The following KIAA1549L variants were observed in gnomAD, a reference collection of about 807,000 sequenced individuals.
KIAA1549L encodes UPF0606 protein KIAA1549L.
In KIAA1549L, 88 loss-of-function variants were observed where a neutral mutation model predicts 160.7. The observed-to-expected ratio is 0.55, with a 90% CI of 0.46 to 0.65. The LOEUF is 0.65. Among genes scored for constraint, KIAA1549L ranks in the 30% least tolerant of loss-of-function variants. The pLI is 0.00. For synonymous variants in KIAA1549L, 950 were observed against 976.7 expected (o/e 0.97, Z 0.51); for missense variants, 2,258 against 2,437.5 (o/e 0.93, Z 1.55).
intron 14 of KIAA1549L, 52 bp downstream of exon 14, chr11:33,606,874 T>C: frequency 6.8e-7 from 1 of 1,479,848 alleles, no homozygotes; most frequent in Non-Finnish European, 9.1e-7. Context: ...ACTTGGGAAA[T>C]TCGGACGAAG....
chr11:33,657,711 C>T (rs973684494), intron 18 of KIAA1549L, among the ~76,000 whole-genome samples: 2 of 152,130 alleles, frequency 1.3e-5, no homozygotes, highest in Non-Finnish European at 2.9e-5. Context: ...GTGGGAGAAT[C>T]GCTTGAACCC....
intron 20 of KIAA1549L, among the ~76,000 whole-genome samples, chr11:33,667,315 A>G (rs1422678055): frequency 1.3e-5 from 2 of 152,020 alleles, no homozygotes; most frequent in Admixed American, 1.3e-4. Context: ...AGCAAAATAT[A>G]TATTCCTAAG....
At chr11:33,630,438 T>A (rs11032322) in intron 16 of KIAA1549L, among the ~76,000 whole-genome samples, 3,388 of 152,354 alleles carry the variant, frequency 0.022, 116 homozygotes, top group African/African-American at 0.068. Flanking sequence ...CGAGACTCCG[T>A]GGGCGTAGGC....
Position 33,544,901 on chromosome 11 carries a change from T to C in KIAA1549L, c.2908T>C (p.Ser970Pro), listed in dbSNP as rs1357400252. Residue 970 changes from serine (S) to proline (P), a missense_variant, in exon 3 of 21, where the codon TCA (serine) becomes CCA (proline). By Grantham distance (74) the Ser-to-Pro change is moderately conservative. Coordinates refer to ENST00000658780, the MANE Select transcript of KIAA1549L (RefSeq NM_012194.3). ...GTSSSPLAVA[S>P]GPAKSSSMTT... Reference sequence around the variant, plus strand: ...CAGCAGCAGCCCTTTGGCCGTGGCCTCAGGACCAGCTAAGAGCAGTTCGAT... The same window carrying C: ...CAGCAGCAGCCCTTTGGCCGTGGCCCCAGGACCAGCTAAGAGCAGTTCGAT... 6.2e-7 allele frequency: 1 copy of C among 1,613,344 alleles called. No individual in the cohort carries two copies. The highest frequency in any genetic ancestry group is 1.7e-5 in the Admixed American group (1 of 59,908).
intron 1 of KIAA1549L, among the ~76,000 whole-genome samples, chr11:33,412,041 C>T (rs1345526451): frequency 5.3e-5 from 8 of 152,136 alleles, no homozygotes; most frequent in African/African-American, 1.7e-4. Flanking sequence ...AATGTAGCGT[C>T]GGATCAGTGA....
In KIAA1549L at chr11:33,609,846, T is replaced by C; in HGVS notation, c.5159T>C (p.Val1720Ala). The change falls in exon 15 of 21, where the codon GTG (valine) becomes GCG (alanine). Residue 1720 changes from valine (V) to alanine (A), a missense_variant. Coordinates refer to ENST00000658780, the MANE Select transcript of KIAA1549L (RefSeq NM_012194.3). Reference sequence around the variant, plus strand: ...AAGGGATATTACGACTTCCCTGCAGTGGAGACGAGCAAGGGTCTGACCGAA... The same window carrying C: ...AAGGGATATTACGACTTCCCTGCAGCGGAGACGAGCAAGGGTCTGACCGAA... The part of the protein sequence containing the change: ...KRKGYYDFPA[V>A]ETSKGLTERK... 1 of 1,613,846 alleles carries C rather than the reference T, an allele frequency of 6.2e-7. No individual in the cohort carries two copies.
At position 33,507,178 on chromosome 11, in the gene KIAA1549L, G is replaced by A. The variant is rs1393666175; in HGVS notation, c.239-34624G>A. 6.6e-5 allele frequency among the ~76,000 whole-genome samples: 10 copies of A among 152,286 alleles called. No homozygotes were observed. The South Asian group carries it at 1.0e-3, about 16-fold the overall frequency. Reference sequence around the variant, plus strand: ...AATCCCTTGCTGCTAAGGCAAGGCCGAGTTTATTGCTTGCTGAGGTCAGAG... The same window carrying A: ...AATCCCTTGCTGCTAAGGCAAGGCCAAGTTTATTGCTTGCTGAGGTCAGAG... On this transcript the variant is annotated intron_variant, in intron 1 of 20. Coordinates refer to ENST00000658780, the MANE Select transcript of KIAA1549L (RefSeq NM_012194.3).
intron 8 of KIAA1549L, among the ~76,000 whole-genome samples, chr11:33,566,772 C>T (rs74748497): frequency 0.011 from 1,721 of 152,256 alleles, 35 homozygotes; most frequent in African/African-American, 0.038. Context: ...AACTGCAATG[C>T]GTTCTTCACA....
At chr11:33,422,117 C>T (rs1211797189) in intron 1 of KIAA1549L, among the ~76,000 whole-genome samples, 1 of 152,098 alleles carries the variant, frequency 6.6e-6, no homozygotes, top group Non-Finnish European at 1.5e-5. Context: ...TGCCAGGCCT[C>T]TCTCCATGCC....
At chr11:33,608,028 G>A (rs1390968187) in intron 14 of KIAA1549L, among the ~76,000 whole-genome samples, 2 of 152,344 alleles carry the variant, frequency 1.3e-5, no homozygotes, top group African/African-American at 2.4e-5. Flanking sequence ...GAGGTCCCCT[G>A]ACTTCCTGTC....
At position 33,551,272 on chromosome 11, in the gene KIAA1549L, G is replaced by A. The variant is rs1854453913; in HGVS notation, c.3721+13G>A. The A allele has an allele frequency of 1.2e-6, 2 of 1,606,832 alleles. No individual in the cohort carries two copies. Among genetic ancestry groups the A allele is most frequent in the African/African-American group, 1.3e-5 (1 of 74,796 alleles). ...CAGCTAAAAACAGGCAAGTGACTCGGAAGGAAGGGATTTTCATCCATTCTT... is the reference window on the plus strand; with the variant it reads ...CAGCTAAAAACAGGCAAGTGACTCGAAAGGAAGGGATTTTCATCCATTCTT... On this transcript the variant is annotated intron_variant, in intron 5 of 20. Coordinates refer to ENST00000658780, the MANE Select transcript of KIAA1549L (RefSeq NM_012194.3).
In KIAA1549L at chr11:33,560,663, T is replaced by C. The variant is rs544468068; in HGVS notation, c.4018+752T>C. ...TTTGGTAGCCAAAGGATGGAAAGGT[T>C]TGTACTCCTAAATTTAAACATTCTT... On this transcript the variant is annotated intron_variant, in intron 7 of 20. Transcript: ENST00000658780. 2.6e-5 allele frequency among the ~76,000 whole-genome samples: 4 copies of C among 152,332 alleles called. No homozygotes were observed. The South Asian group carries it at 8.3e-4, about 32-fold the overall frequency.
At chr11:33,647,984 CCTTTT>C (rs200192353) in intron 17 of KIAA1549L, among the ~76,000 whole-genome samples, 27 of 151,918 alleles carry the variant, frequency 1.8e-4, no homozygotes, top group South Asian at 4.2e-4. Context: ...CCAGAACTAA[CCTTTT>C]CTTTTCTTTT....
intron 12 of KIAA1549L, among the ~76,000 whole-genome samples, chr11:33,596,819 G>A (rs988594206): frequency 4.6e-5 from 7 of 151,602 alleles, no homozygotes; most frequent in African/African-American, 1.5e-4. Flanking sequence ...TTTTCTGGAC[G>A]CAAATTAAAG....
At chr11:33,479,326 A>C (rs771287045) in intron 1 of KIAA1549L, among the ~76,000 whole-genome samples, 1 of 152,232 alleles carries the variant, frequency 6.6e-6, no homozygotes, top group Non-Finnish European at 1.5e-5. Context: ...GCCTTCCTTC[A>C]TCTGTGATTG....
rs1397044593 is a variant in KIAA1549L, at chr11:33,541,852, C to T, written c.289C>T (p.Pro97Ser). The T allele has an allele frequency of 1.7e-5, 5 of 286,116 alleles. No individual in the cohort carries two copies. Among genetic ancestry groups the T allele is most frequent in the Middle Eastern group, 6.9e-4 (1 of 1,440 alleles). 17.7% of individuals were successfully genotyped at this position (286,116 alleles called of 1,614,324 possible). Residue 97 changes from proline to serine, a missense_variant, in exon 2 of 21, where the codon CCC (proline) becomes TCC (serine). This residue lies in a region of KIAA1549L where 540 missense variants were observed against 465.7 expected (regional missense o/e 1.16). Coordinates refer to ENST00000658780, the MANE Select transcript of KIAA1549L (RefSeq NM_012194.3). The part of the protein sequence containing the change: ...NVTRTPESFP[P>S]GKLLPISPTW... The stretch of plus-strand genomic sequence containing the variant: ...CACCCGGACTCCAGAGTCATTTCCT[C>T]CCGGGAAATTGTTACCAATTTCACC...
intron 14 of KIAA1549L, among the ~76,000 whole-genome samples, chr11:33,609,195 A>G (rs1182906754): frequency 2.0e-5 from 3 of 152,270 alleles, no homozygotes; most frequent in African/African-American, 7.2e-5. Context: ...CAAGAAAGGC[A>G]TGGATTTACA....
intron 1 of KIAA1549L, among the ~76,000 whole-genome samples, chr11:33,497,990 C>T (rs1412219248): frequency 6.6e-6 from 1 of 152,128 alleles, no homozygotes; most frequent in South Asian, 2.1e-4. Context: ...ATCTCCTCAT[C>T]TATAAATACT....
chr11:33,444,218 G>A (rs1851565054), intron 1 of KIAA1549L, among the ~76,000 whole-genome samples: 1 of 152,136 alleles, frequency 6.6e-6, no homozygotes, highest in Non-Finnish European at 1.5e-5. Context: ...GTTCTTTTCG[G>A]TAGCTATGGG....
Sources: gnomAD v4.1 joint callset for allele counts (sites outside exome capture counted in the v4.1 genomes callset) on GRCh38, gnomAD v4.1.1 for gene constraint, gnomAD v4.1.1 regional missense constraint, MANE v1.5 for transcripts, NCBI Gene and HGNC (gene_info 2026-07-23, HGNC 2026-07-21) for gene names.